RPSA2: variants seen among roughly 807,000 people sequenced by gnomAD.
RPSA2 encodes ribosomal protein SA 2.
the RPSA2 span, among the ~76,000 whole-genome samples, chr19:23,780,590 C>T: frequency 6.6e-6 from 1 of 152,130 alleles, no homozygotes; most frequent in East Asian, 1.9e-4. Context: ...CTGCAGTGAG[C>T]TGAGATCGTG....
chr19:23,820,203 G>C, the RPSA2 span, among the ~76,000 whole-genome samples: 1 of 152,158 alleles, frequency 6.6e-6, no homozygotes, highest in South Asian at 2.1e-4. Context: ...CTGGGCACAA[G>C]TTAGGCATTG....
the RPSA2 span, among the ~76,000 whole-genome samples, chr19:23,812,555 C>T: frequency 1.3e-5 from 2 of 152,008 alleles, no homozygotes; most frequent in Admixed American, 6.6e-5. Flanking sequence ...GCCACCAGGC[C>T]TGGCAAATTT....
At chr19:23,830,935 G>A in the RPSA2 span, among the ~76,000 whole-genome samples, 1,088 of 151,828 alleles carry the variant, frequency 7.2e-3, 14 homozygotes, top group African/African-American at 0.025. Context: ...CAATTGTTTT[G>A]GCTGGTGATT....
the RPSA2 span, among the ~76,000 whole-genome samples, chr19:23,771,836 A>G: frequency 1.1e-4 from 16 of 152,148 alleles, no homozygotes; most frequent in South Asian, 2.1e-4. Flanking sequence ...GGCTGGTTCT[A>G]ATACCTTGGT....
At chr19:23,869,595 A>G in the RPSA2 span, among the ~76,000 whole-genome samples, 1 of 152,104 alleles carries the variant, frequency 6.6e-6, no homozygotes, top group Non-Finnish European at 1.5e-5. Flanking sequence ...CATGACACAA[A>G]CTTCACTGCC....
At chr19:23,844,529 T>C in the RPSA2 span, among the ~76,000 whole-genome samples, 1 of 152,150 alleles carries the variant, frequency 6.6e-6, no homozygotes, top group Non-Finnish European at 1.5e-5. Context: ...CATTTTTCAA[T>C]GGGATTTCTT....
At chr19:23,808,407 C>T in the RPSA2 span, among the ~76,000 whole-genome samples, 1 of 151,518 alleles carries the variant, frequency 6.6e-6, no homozygotes, top group Non-Finnish European at 1.5e-5. Context: ...GCTGGGATTA[C>T]AGGCACCCGC....
chr19:23,762,622 G>A, the RPSA2 span, among the ~76,000 whole-genome samples: 1 of 146,238 alleles, frequency 6.8e-6, no homozygotes, highest in South Asian at 2.1e-4. Flanking sequence ...GTTGCAGTGA[G>A]CCAAGATCGC....
chr19:23,788,696 C>T, the RPSA2 span, among the ~76,000 whole-genome samples: 1 of 151,950 alleles, frequency 6.6e-6, no homozygotes, highest in Non-Finnish European at 1.5e-5. Context: ...TGATGTAACT[C>T]GTATTTTGAC....
At chr19:23,806,412 G>C in the RPSA2 span, among the ~76,000 whole-genome samples, 1 of 151,970 alleles carries the variant, frequency 6.6e-6, no homozygotes, top group African/African-American at 2.4e-5. Flanking sequence ...TAATGTTGAG[G>C]TTCCTTCTGT....
the RPSA2 span, among the ~76,000 whole-genome samples, chr19:23,856,740 G>A: frequency 6.6e-6 from 1 of 152,130 alleles, no homozygotes; most frequent in Non-Finnish European, 1.5e-5. Flanking sequence ...GCCGCTGGGG[G>A]TGACATCACA....
At chr19:23,770,990 G>C in the RPSA2 span, among the ~76,000 whole-genome samples, 1 of 152,328 alleles carries the variant, frequency 6.6e-6, no homozygotes, top group Non-Finnish European at 1.5e-5. Context: ...AGTAGCAGAT[G>C]TAGTTTCTCT....
chr19:23,849,399 A>C, the RPSA2 span, among the ~76,000 whole-genome samples: 1 of 152,182 alleles, frequency 6.6e-6, no homozygotes, highest in Non-Finnish European at 1.5e-5. Flanking sequence ...GAAGATTGGC[A>C]TCAAAAAGAG....
the RPSA2 span, among the ~76,000 whole-genome samples, chr19:23,837,622 C>T: frequency 3.9e-5 from 6 of 152,046 alleles, no homozygotes; most frequent in Non-Finnish European, 7.4e-5. Flanking sequence ...TTGTTTGTGT[C>T]GTCTATGATT....
chr19:23,851,060 A>G, the RPSA2 span, among the ~76,000 whole-genome samples: 17 of 152,212 alleles, frequency 1.1e-4, no homozygotes, highest in African/African-American at 3.9e-4. Flanking sequence ...CATAACTGCA[A>G]AGCAAGAATA....
At chr19:23,811,954 A>G in the RPSA2 span, among the ~76,000 whole-genome samples, 1 of 152,134 alleles carries the variant, frequency 6.6e-6, no homozygotes. Flanking sequence ...TTATGATTGT[A>G]TTTCCTTTTC....
At chr19:23,775,289 CTG>C in the RPSA2 span, among the ~76,000 whole-genome samples, 2 of 152,276 alleles carry the variant, frequency 1.3e-5, no homozygotes, top group East Asian at 3.9e-4. Flanking sequence ...GAAATTGTGA[CTG>C]TTGTAAGTGA....
chr19:23,832,428 A>C, the RPSA2 span: 1 of 500,810 alleles, frequency 2.0e-6, no homozygotes, highest in Admixed American at 2.2e-5. Context: ...TTCAATTCTC[A>C]ACCCTAACTA....
At chr19:23,768,651 A>G in the RPSA2 span, among the ~76,000 whole-genome samples, 1 of 36,570 alleles carries the variant, frequency 2.7e-5, no homozygotes, top group African/African-American at 9.0e-5. Context: ...GCAGTGGTAC[A>G]ATCTTGGCTC....
Sources: gnomAD v4.1 joint callset for allele counts (sites outside exome capture counted in the v4.1 genomes callset) on GRCh38, gnomAD v4.1.1 for gene constraint, MANE v1.5 for transcripts, NCBI Gene and HGNC (gene_info 2026-07-23, HGNC 2026-07-21) for gene names.